NEK11: variants seen among roughly 807,000 people sequenced by gnomAD.
NEK11 encodes serine/threonine-protein kinase Nek11.
Under a neutral mutation model 80.7 loss-of-function variants are expected in NEK11, and 72 were observed. The observed-to-expected ratio is 0.89, with a 90% CI of 0.74 to 1.08. The LOEUF (loss-of-function observed/expected upper bound fraction) is 1.08. NEK11 is among the 50% of genes least tolerant of loss of function. The pLI, the probability that NEK11 is intolerant of heterozygous loss-of-function variation, is 0.00. For missense variants in NEK11, 764 were observed against 763.6 expected (o/e 1.00, Z -0.01); for synonymous variants, 251 against 260.7 (o/e 0.96, Z 0.36).
intron 17 of NEK11, among the ~76,000 whole-genome samples, chr3:131,336,726 A>G (rs1359067575): frequency 6.6e-6 from 1 of 152,264 alleles, no homozygotes; most frequent in Non-Finnish European, 1.5e-5. Context: ...TCATTTGACA[A>G]AGGGCTAATA....
At chr3:131,289,784 A>C (rs1332775367) in intron 17 of NEK11, among the ~76,000 whole-genome samples, 1 of 152,160 alleles carries the variant, frequency 6.6e-6, no homozygotes, top group African/African-American at 2.4e-5. Context: ...ACTTTCACAC[A>C]GATTATTCTC....
chr3:131,189,552 T>G (rs1482813618), intron 14 of NEK11, among the ~76,000 whole-genome samples: 17 of 152,164 alleles, frequency 1.1e-4, no homozygotes, highest in Admixed American at 1.1e-3. Flanking sequence ...GGCTCCAACT[T>G]CTAATATCAT....
At chr3:131,340,634 C>T (rs939248541) in intron 17 of NEK11, among the ~76,000 whole-genome samples, 1 of 152,184 alleles carries the variant, frequency 6.6e-6, no homozygotes, top group African/African-American at 2.4e-5. Flanking sequence ...CAGCCAAACA[C>T]GTATTCGGGA....
At chr3:131,321,932 G>T (rs2096901523) in intron 17 of NEK11, among the ~76,000 whole-genome samples, 1 of 152,190 alleles carries the variant, frequency 6.6e-6, no homozygotes, top group Non-Finnish European at 1.5e-5. Flanking sequence ...GCAGCTTGGA[G>T]ATTTCTTAAA....
intron 14 of NEK11, among the ~76,000 whole-genome samples, chr3:131,189,265 T>A (rs1292530476): frequency 6.6e-6 from 1 of 152,214 alleles, no homozygotes; most frequent in East Asian, 1.9e-4. Flanking sequence ...TTTGTGGGAC[T>A]TCATTACAGC....
intron 4 of NEK11, chr3:131,087,954 T>G (rs1384873443): frequency 1.3e-5 from 2 of 152,326 alleles, no homozygotes; most frequent in Non-Finnish European, 2.9e-5. Flanking sequence ...ATTGTGACAT[T>G]GATTGGTGAT....
intron 5 of NEK11, among the ~76,000 whole-genome samples, chr3:131,120,720 C>A (rs1288424922): frequency 6.6e-6 from 1 of 152,108 alleles, no homozygotes; most frequent in African/African-American, 2.4e-5. Context: ...CGCTTCATTT[C>A]ATTCATCTGA....
At chr3:131,224,822 A>G (rs954228955) in intron 14 of NEK11, among the ~76,000 whole-genome samples, 1 of 152,214 alleles carries the variant, frequency 6.6e-6, no homozygotes, top group Non-Finnish European at 1.5e-5. Context: ...GAAAGAAAAA[A>G]TGCTTATTGA....
chr3:131,255,126 AAGAG>A lies in NEK11; in HGVS notation c.1621+11634_1621+11637del, dbSNP rs1169617017. Among the ~76,000 whole-genome samples, 564 of 147,664 alleles carry A rather than the reference AAGAG, an allele frequency of 3.8e-3. 4 individuals carry two copies. The highest frequency in any genetic ancestry group is 0.019 in the East Asian group (95 of 4,878). ...AAAGAAAGAAAGAAAGAAAGAAAGAAAGAGAGAAAGAACAGCTAATTTCCCAAAC... is the reference window on the plus strand; with the variant it reads ...AAAGAAAGAAAGAAAGAAAGAAAGAAAGAAAGAACAGCTAATTTCCCAAAC... On this transcript the variant is annotated intron_variant, in intron 16 of 17. Coordinates refer to ENST00000383366, the MANE Select transcript of NEK11 (RefSeq NM_024800.5).
intron 9 of NEK11, among the ~76,000 whole-genome samples, chr3:131,153,047 G>A (rs546189872): frequency 7.9e-4 from 120 of 152,194 alleles, no homozygotes; most frequent in Non-Finnish European, 1.1e-3. Flanking sequence ...AGATTGCGCC[G>A]CTGCACTCCA....
At chr3:131,148,902 A>G (rs962286991) in intron 7 of NEK11, among the ~76,000 whole-genome samples, 1 of 151,904 alleles carries the variant, frequency 6.6e-6, no homozygotes, top group Non-Finnish European at 1.5e-5. Flanking sequence ...CACATGTGAT[A>G]TATTGATACA....
intron 17 of NEK11, among the ~76,000 whole-genome samples, chr3:131,312,707 G>A (rs1224665236): frequency 6.6e-6 from 1 of 152,116 alleles, no homozygotes; most frequent in Non-Finnish European, 1.5e-5. Flanking sequence ...CTAGAATAGG[G>A]CCAAGGGTGA....
intron 17 of NEK11, among the ~76,000 whole-genome samples, chr3:131,322,955 A>G (rs1045897222): frequency 7.2e-5 from 11 of 152,190 alleles, no homozygotes; most frequent in Non-Finnish European, 1.3e-4. Context: ...AACTTTGGAG[A>G]TTATATGATC....
intron 17 of NEK11, among the ~76,000 whole-genome samples, chr3:131,298,787 T>C (rs536687229): frequency 1.3e-5 from 2 of 152,268 alleles, no homozygotes; most frequent in South Asian, 4.1e-4. Context: ...CTATGGGTTG[T>C]CGTCTGACAT....
At chr3:131,224,648 C>T (rs941433010) in intron 14 of NEK11, among the ~76,000 whole-genome samples, 1 of 152,158 alleles carries the variant, frequency 6.6e-6, no homozygotes, top group Non-Finnish European at 1.5e-5. Flanking sequence ...ACTGTTATCA[C>T]AGTAGATGGA....
At chr3:131,230,223 T>A (rs2095304406) in intron 15 of NEK11, among the ~76,000 whole-genome samples, 1 of 152,192 alleles carries the variant, frequency 6.6e-6, no homozygotes, top group Non-Finnish European at 1.5e-5. Flanking sequence ...AAATACTATA[T>A]GGCAAACAGC....
At chr3:131,168,549 G>T (rs1158674849) in intron 12 of NEK11, among the ~76,000 whole-genome samples, 19 of 151,228 alleles carry the variant, frequency 1.3e-4, no homozygotes, top group African/African-American at 4.4e-4. Context: ...GTAGAGACGG[G>T]GTTTCACCGT....
chr3:131,149,770 C>T (rs2089256704), intron 7 of NEK11, among the ~76,000 whole-genome samples: 2 of 151,834 alleles, frequency 1.3e-5, no homozygotes, highest in Non-Finnish European at 2.9e-5. Context: ...TTTTCTTGAT[C>T]AGCCTTGCTA....
chr3:131,156,196 C>T lies in NEK11; in HGVS notation c.962+1075C>T, dbSNP rs529520708. ...GACTTCAGATGGTCACTGCTATTTT[C>T]GAGATCTATGACTATGTTTCAAGGA... On this transcript the variant is annotated intron_variant, in intron 10 of 17. Transcript: ENST00000383366. Among the ~76,000 whole-genome samples the T allele has an allele frequency of 1.6e-4, 24 of 152,206 alleles. No homozygotes were observed. The Middle Eastern group carries it at 0.01, about 65-fold the overall frequency.
Sources: gnomAD v4.1 joint callset for allele counts (sites outside exome capture counted in the v4.1 genomes callset) on GRCh38, gnomAD v4.1.1 for gene constraint, MANE v1.5 for transcripts, NCBI Gene and HGNC (gene_info 2026-07-23, HGNC 2026-07-21) for gene names.